Variants in TNRC6B observed in about 807,000 individuals in gnomAD.
TNRC6B encodes the protein trinucleotide repeat-containing gene 6B protein.
Under a neutral mutation model 203.6 loss-of-function variants are expected in TNRC6B, and 52 were observed. That is an observed-to-expected ratio of 0.26 (90% CI 0.20 to 0.32). The LOEUF is 0.32. Among genes scored for constraint, TNRC6B ranks in the 10% least tolerant of loss-of-function variants. The pLI is 1.00. For synonymous variants in TNRC6B, 838 were observed against 845.7 expected (o/e 0.99, Z 0.16); for missense variants, 1,923 against 2,286.2 (o/e 0.84, Z 3.24).
chr22:40,213,278 A>C (rs1050356951), intron 1 of TNRC6B, among the ~76,000 whole-genome samples: 2 of 152,204 alleles, frequency 1.3e-5, no homozygotes, highest in African/African-American at 4.8e-5. Context: ...CAAAGAGCAC[A>C]TGGTGAAGGG....
At position 40,332,517 on chromosome 22, in the gene TNRC6B, A is replaced by G. The variant is rs2043993258; in HGVS notation, c.*9276A>G. 6.6e-6 allele frequency: 1 copy of G among 152,204 alleles called. No homozygotes were observed. The highest frequency in any genetic ancestry group is 1.5e-5 in the Non-Finnish European group (1 of 67,892). 9.4% of individuals were successfully genotyped at this position (152,204 alleles called of 1,614,324 possible). Reference sequence around the variant, plus strand: ...TCGTAAGCGAGAGATTGTTCTGCCTATATTCAGTGTTTTCCATGCAGCAAT... The same window carrying G: ...TCGTAAGCGAGAGATTGTTCTGCCTGTATTCAGTGTTTTCCATGCAGCAAT... On this transcript the variant is annotated 3_prime_UTR_variant, in exon 23 of 23. Coordinates refer to ENST00000454349, the MANE Select transcript of TNRC6B (RefSeq NM_001162501.2).
Position 40,046,006 on chromosome 22 carries a change from C to T in TNRC6B, c.-121+1008C>T, listed in dbSNP as rs141940082. On this transcript the variant is annotated intron_variant, in intron 1 of 23. Transcript: ENST00000301923. ...GTATTATAATTTAAGCAAAATTATA[C>T]AAAATTGGTCAAAGATATTTCTTCA... Among the ~76,000 whole-genome samples the T allele has an allele frequency of 1.4e-4, 22 of 152,222 alleles. No homozygotes were observed. In the East Asian group the frequency reaches 4.2e-3, roughly 29 times the overall value.
Position 40,300,441 on chromosome 22 carries a change from A to AT in TNRC6B, c.3709-7dup, listed in dbSNP as rs778813503. The AT allele has an allele frequency of 2.3e-5, 35 of 1,530,120 alleles. No homozygotes were observed. The South Asian group carries it at 3.5e-4, about 15-fold the overall frequency. The allele number at this position is 1,530,120 out of a possible 1,614,324, so 94.8% of individuals were successfully genotyped here. On this transcript the variant is annotated splice_polypyrimidine_tract_variant and intron_variant, in intron 12 of 22. Transcript: ENST00000454349. ...ATTCCTTTTCTTTTCTTTCTTTTTT[A>AT]TTTTTTTGGCTAGGTTTCTGCCTCA...
intron 1 of TNRC6B, among the ~76,000 whole-genome samples, chr22:40,113,887 C>T (rs2068364282): frequency 6.6e-6 from 1 of 152,110 alleles, no homozygotes; most frequent in African/African-American, 2.4e-5. Flanking sequence ...TTCTGGACAT[C>T]TTGCTTGAAG....
chr22:40,232,948 A>C (rs1318278265), intron 1 of TNRC6B, among the ~76,000 whole-genome samples: 1 of 152,016 alleles, frequency 6.6e-6, no homozygotes, highest in Non-Finnish European at 1.5e-5. Context: ...TCAGGAGATC[A>C]AGACCATCCT....
At chr22:40,166,319 A>T (rs988609962) in intron 4 of TNRC6B, among the ~76,000 whole-genome samples, 1 of 152,234 alleles carries the variant, frequency 6.6e-6, no homozygotes, top group African/African-American at 2.4e-5. Context: ...CAACTTAAAA[A>T]AATTAACAAA....
At chr22:40,045,678 CG>C (rs1391536609) in intron 1 of TNRC6B, 2 of 152,242 alleles carry the variant, frequency 1.3e-5, no homozygotes, top group African/African-American at 4.8e-5. Flanking sequence ...ACGAGGGGCA[CG>C]GAGAGTGTTT....
chr22:40,201,932 A>G (rs2069417721), intron 1 of TNRC6B, among the ~76,000 whole-genome samples: 1 of 152,132 alleles, frequency 6.6e-6, no homozygotes, highest in African/African-American at 2.4e-5. Flanking sequence ...AGTTTGAAAC[A>G]CTTCTGTTCC....
In TNRC6B at chr22:40,177,981, C is replaced by T; in HGVS notation, c.-155C>T. 1 of 1,486,384 alleles carries T rather than the reference C, an allele frequency of 6.7e-7. No homozygotes were observed. The highest frequency in any genetic ancestry group is 8.9e-7 in the Non-Finnish European group (1 of 1,125,866). The allele number at this position is 1,486,384 out of a possible 1,614,324, so 92.1% of individuals were successfully genotyped here. A position where few individuals can be genotyped will look rare whatever the true frequency, so the allele number is the denominator to read the frequency against. ...GAGAGTGTGTGAGAGAGAGTTAGTT[C>T]AAGCCAAAATGGCCGACAGAGTCTC... On this transcript the variant is annotated 5_prime_UTR_variant, in exon 1 of 23. Transcript: ENST00000454349.
At chr22:40,078,702 C>T (rs936167019) in intron 1 of TNRC6B, among the ~76,000 whole-genome samples, 1 of 151,866 alleles carries the variant, frequency 6.6e-6, no homozygotes. Context: ...AAGTGATTCC[C>T]GTGCCTCAGC....
chr22:40,309,992 T>C lies in TNRC6B; in HGVS notation c.4259-825T>C, dbSNP rs187731129. On this transcript the variant is annotated intron_variant, in intron 16 of 22. Coordinates refer to ENST00000454349, the MANE Select transcript of TNRC6B (RefSeq NM_001162501.2). ...AGATCAAGTGACCCAATATAGTATG[T>C]AAAATTCATTTGAGAAATAAGTAGA... Among the ~76,000 whole-genome samples the C allele has an allele frequency of 1.7e-3, 260 of 152,340 alleles. 2 individuals are homozygous for C. The highest frequency in any genetic ancestry group is 5.9e-3 in the African/African-American group (247 of 41,590).
chr22:40,243,711 A>C (rs1367168577), intron 1 of TNRC6B, among the ~76,000 whole-genome samples: 2 of 152,002 alleles, frequency 1.3e-5, no homozygotes, highest in Non-Finnish European at 2.9e-5. Flanking sequence ...CCGCCTCCCA[A>C]GTAGCTGGGA....
chr22:40,308,875 G>A (rs2071132332), intron 16 of TNRC6B, among the ~76,000 whole-genome samples: 1 of 152,266 alleles, frequency 6.6e-6, no homozygotes, highest in African/African-American at 2.4e-5. Flanking sequence ...ATTGAGGGTG[G>A]TAGCAGTGAA....
intron 3 of TNRC6B, chr22:40,253,544 A>G (rs1011788364): frequency 4.4e-6 from 2 of 454,984 alleles, no homozygotes; most frequent in Admixed American, 2.4e-5. Flanking sequence ...CATACCTACT[A>G]TATAATGAAA....
intron 1 of TNRC6B, among the ~76,000 whole-genome samples, chr22:40,063,088 G>C (rs1020170844): frequency 6.6e-6 from 1 of 152,052 alleles, no homozygotes; most frequent in East Asian, 1.9e-4. Context: ...TCTATTTTGA[G>C]TAAATTTTTG....
At chr22:40,065,029 G>A (rs1474838418) in intron 1 of TNRC6B, among the ~76,000 whole-genome samples, 1 of 147,812 alleles carries the variant, frequency 6.8e-6, no homozygotes, top group African/African-American at 2.5e-5. Flanking sequence ...TTGTATGTGT[G>A]TGTTTTTTCT....
intron 5 of TNRC6B, among the ~76,000 whole-genome samples, chr22:40,269,829 C>T (rs922034750): frequency 7.0e-6 from 1 of 143,594 alleles, no homozygotes; most frequent in Non-Finnish European, 1.5e-5. Flanking sequence ...TGGAGGTTGC[C>T]ATGAGCCAAG....
chr22:40,065,663 T>C (rs1324922093), intron 1 of TNRC6B, among the ~76,000 whole-genome samples: 1 of 152,166 alleles, frequency 6.6e-6, no homozygotes, highest in Admixed American at 6.5e-5. Context: ...TGGATCTTTG[T>C]GTATCTCTGT....
At chr22:40,310,403 T>C (rs1297068550) in intron 16 of TNRC6B, among the ~76,000 whole-genome samples, 1 of 152,220 alleles carries the variant, frequency 6.6e-6, no homozygotes, top group Non-Finnish European at 1.5e-5. Context: ...ATAGCATCAG[T>C]AGAAATTTAG....
Sources: allele counts gnomAD v4.1 joint callset (sites outside exome capture counted in the v4.1 genomes callset), GRCh38; gene constraint gnomAD v4.1.1; transcripts MANE v1.5; gene names NCBI Gene and HGNC (gene_info 2026-07-23, HGNC 2026-07-21).